The following CEP63 variants were observed in gnomAD, a reference collection of about 807,000 sequenced individuals.
CEP63 encodes the protein centrosomal protein of 63 kDa.
A neutral mutation model predicts 89.1 loss-of-function variants in CEP63; 84 were observed. The observed-to-expected ratio is 0.94, with a 90% CI of 0.79 to 1.13. The LOEUF is 1.13. CEP63 is among the 50% of genes most tolerant of loss of function. The pLI is 0.00. For missense variants in CEP63, 838 were observed against 813.3 expected, an observed-to-expected ratio of 1.03 and a Z score of -0.37; for synonymous variants, 267 against 272.5, an observed-to-expected ratio of 0.98 and a Z score of 0.20.
At chr3:134,513,486 A>T (rs9289472) in intron 3 of CEP63, among the ~76,000 whole-genome samples, 151,515 of 152,016 alleles carry the variant, frequency 1, 75,512 homozygotes, top group Middle Eastern at 1. Flanking sequence ...TTTAAAAAAA[A>T]TTTTGCTTGA....
At chr3:134,701,312 A>ATGTGTATATATACGTATATG in the CEP63 span, among the ~76,000 whole-genome samples, 508 of 24,840 alleles carry the variant, frequency 0.02, 158 homozygotes, top group African/African-American at 0.058. Flanking sequence ...ATACGTATAT[A>ATGTGTATATATACGTATATG]TGTGTATATA....
intron 10 of CEP63, among the ~76,000 whole-genome samples, chr3:134,549,422 T>A (rs1954310395): frequency 6.6e-6 from 1 of 152,142 alleles, no homozygotes. Flanking sequence ...CTCAAAAACT[T>A]TATTTTAAAC....
rs753014926 is a variant in CEP63, at chr3:134,495,365, G to A, written c.44+1G>A. On this transcript the variant is annotated splice_donor_variant, in intron 2 of 14. Transcript: ENST00000675561. LOFTEE classifies it high-confidence loss of function. ...GAATACAAAATCGAGGGCATGGTGGGTAAGTTTGCTTTTTTTAAAATTAAT... is the reference window on the plus strand; with the variant it reads ...GAATACAAAATCGAGGGCATGGTGGATAAGTTTGCTTTTTTTAAAATTAAT... 1 of 1,609,304 alleles carries A rather than the reference G, an allele frequency of 6.2e-7. No individual in the cohort carries two copies. The highest frequency in any genetic ancestry group is 1.1e-5 in the South Asian group (1 of 90,858).
chr3:134,760,108 G>C, the CEP63 span, among the ~76,000 whole-genome samples: 1 of 149,962 alleles, frequency 6.7e-6, no homozygotes, highest in Non-Finnish European at 1.5e-5. Flanking sequence ...GCCCAGGCTG[G>C]AGTGCAGTGG....
intron 3 of CEP63, among the ~76,000 whole-genome samples, chr3:134,525,330 T>C (rs1161266153): frequency 6.6e-6 from 1 of 152,154 alleles, no homozygotes; most frequent in Non-Finnish European, 1.5e-5. Flanking sequence ...GCTTCTAGAT[T>C]TGTTGATCTT....
downstream of CEP63, among the ~76,000 whole-genome samples, chr3:134,592,021 G>T (rs1418703889): frequency 6.6e-6 from 1 of 152,176 alleles, no homozygotes; most frequent in Non-Finnish European, 1.5e-5. Context: ...CAATTTTTCA[G>T]GGTCAGGAAT....
At chr3:134,580,612 T>A (rs1486346146) in intron 10 of CEP63, among the ~76,000 whole-genome samples, 1 of 152,118 alleles carries the variant, frequency 6.6e-6, no homozygotes, top group East Asian at 1.9e-4. Flanking sequence ...AAAAAGAAAT[T>A]TATGGACAAA....
At chr3:134,643,459 G>A in the CEP63 span, 27 of 1,230,222 alleles carry the variant, frequency 2.2e-5, no homozygotes, top group East Asian at 9.5e-5. Context: ...ATGTGTTTGC[G>A]GGAAAGGTGG....
At chr3:134,545,850 A>G in intron 7 of CEP63, 31 bp downstream of exon 7, 1 of 1,494,698 alleles carries the variant, frequency 6.7e-7, no homozygotes, top group Non-Finnish European at 9.2e-7. Flanking sequence ...AATTGGGGGA[A>G]GTGTGTGTAT....
At chr3:134,577,792 G>C (rs562413566), downstream of CEP63, among the ~76,000 whole-genome samples, 10 of 152,026 alleles carry the variant, frequency 6.6e-5, no homozygotes, top group Non-Finnish European at 8.8e-5. Flanking sequence ...CCCGCGACAG[G>C]CCTCAGTGTG....
At chr3:134,697,916 C>T in the CEP63 span, among the ~76,000 whole-genome samples, 3 of 152,196 alleles carry the variant, frequency 2.0e-5, no homozygotes, top group Admixed American at 1.3e-4. Flanking sequence ...GGCTGGCAGG[C>T]GGGGCCTGGA....
the CEP63 span, among the ~76,000 whole-genome samples, chr3:134,729,209 A>G: frequency 6.6e-6 from 1 of 152,224 alleles, no homozygotes; most frequent in Admixed American, 6.5e-5. Context: ...GACCTGCCCT[A>G]AACCACTACA....
chr3:134,719,346 G>T, the CEP63 span, among the ~76,000 whole-genome samples: 2 of 152,054 alleles, frequency 1.3e-5, no homozygotes, highest in Non-Finnish European at 2.9e-5. Flanking sequence ...CTATGAATTA[G>T]AATCTGCATT....
At chr3:134,593,699 G>A in the CEP63 span, among the ~76,000 whole-genome samples, 1 of 152,234 alleles carries the variant, frequency 6.6e-6, no homozygotes, top group African/African-American at 2.4e-5. Flanking sequence ...ACACAAGACA[G>A]ATTTCAGTCT....
chr3:134,698,952 G>A, the CEP63 span, among the ~76,000 whole-genome samples: 8,928 of 152,238 alleles, frequency 0.059, 465 homozygotes, highest in South Asian at 0.29. Context: ...CAAAGTGGAT[G>A]GTTCTTTGCT....
the CEP63 span, among the ~76,000 whole-genome samples, chr3:134,726,597 T>A: frequency 5.3e-5 from 8 of 152,080 alleles, no homozygotes; most frequent in Non-Finnish European, 8.8e-5. Context: ...GCCCAGGAGA[T>A]GCTAGGGGCT....
At chr3:134,619,165 G>A in the CEP63 span, 2 of 1,613,904 alleles carry the variant, frequency 1.2e-6, no homozygotes, top group Non-Finnish European at 1.7e-6. Flanking sequence ...TTCTCTCGAA[G>A]AGGCCAGCAT....
the CEP63 span, among the ~76,000 whole-genome samples, chr3:134,636,334 T>C: frequency 6.6e-6 from 1 of 152,230 alleles, no homozygotes; most frequent in Non-Finnish European, 1.5e-5. Flanking sequence ...TTCCTCCCAA[T>C]GAGAGGTCTT....
chr3:134,656,296 A>G, the CEP63 span, among the ~76,000 whole-genome samples: 1 of 152,190 alleles, frequency 6.6e-6, no homozygotes, highest in Non-Finnish European at 1.5e-5. Flanking sequence ...AGGAGCTGGA[A>G]GGAGTGATGG....
Sources: allele counts gnomAD v4.1 joint callset (sites outside exome capture counted in the v4.1 genomes callset), GRCh38; gene constraint gnomAD v4.1.1; transcripts MANE v1.5; gene names NCBI Gene and HGNC (gene_info 2026-07-23, HGNC 2026-07-21).